Variants in PAX7 observed in about 807,000 individuals in gnomAD.
The protein encoded by PAX7 is paired box 7, also known as paired box protein Pax-7.
A neutral mutation model predicts 50.7 loss-of-function variants in PAX7; 18 were observed. The observed-to-expected ratio is 0.36, with a 90% CI of 0.25 to 0.53. PAX7 has a LOEUF of 0.53. Among genes scored for constraint, PAX7 ranks in the 20% least tolerant of loss-of-function variants. PAX7 has a pLI of 0.93. For missense variants in PAX7, 644 were observed against 702.9 expected (o/e 0.92, Z 0.95); for synonymous variants, 310 against 290.4 (o/e 1.07, Z -0.69).
chr1:18,722,004 CTG>C (rs1489943739), intron 7 of PAX7, among the ~76,000 whole-genome samples: 1 of 152,216 alleles, frequency 6.6e-6, no homozygotes, highest in Non-Finnish European at 1.5e-5. Flanking sequence ...CTTGACCTCT[CTG>C]TGCCTCCATT....
intron 3 of PAX7, among the ~76,000 whole-genome samples, chr1:18,635,493 A>AGAAGGAAGGAAGGTAGGAAGGAAG (rs1443182325): frequency 1.5e-5 from 1 of 68,792 alleles, no homozygotes; most frequent in African/African-American, 7.5e-5. Context: ...AAAGGGAGGA[A>AGAAGGAAGGAAGGTAGGAAGGAAG]GAAGGAAGGA....
At chr1:18,635,297 T>C (rs2088132352) in intron 3 of PAX7, 57 bp downstream of exon 3, 5 of 1,586,316 alleles carry the variant, frequency 3.2e-6, no homozygotes, top group Non-Finnish European at 4.3e-6. Context: ...GGGTCCAGTG[T>C]GGAGGGCTGG....
intron 4 of PAX7, among the ~76,000 whole-genome samples, chr1:18,640,509 G>C (rs1331561469): frequency 6.6e-6 from 1 of 151,946 alleles, no homozygotes; most frequent in Non-Finnish European, 1.5e-5. Context: ...CCTTGGAAGC[G>C]GGGGCGAGGG....
chr1:18,674,758 T>C (rs1315112790), intron 4 of PAX7, among the ~76,000 whole-genome samples: 2 of 152,228 alleles, frequency 1.3e-5, no homozygotes, highest in Non-Finnish European at 2.9e-5. Context: ...TCTTGCTCCC[T>C]TTCACAGAGC....
intron 4 of PAX7, among the ~76,000 whole-genome samples, chr1:18,652,027 T>C (rs945868645): frequency 5.3e-5 from 8 of 151,786 alleles, no homozygotes; most frequent in African/African-American, 1.9e-4. Context: ...GTTGGGGGAT[T>C]AACACTCAGG....
At chr1:18,725,836 C>G (rs953139391) in intron 7 of PAX7, among the ~76,000 whole-genome samples, 1 of 151,264 alleles carries the variant, frequency 6.6e-6, no homozygotes, top group Non-Finnish European at 1.5e-5. Context: ...TTGGACCCAT[C>G]CTGGCGTGGG....
chr1:18,745,632 G>A lies in PAX7; in HGVS notation c.*703G>A, dbSNP rs1931408933. ...GACCAGGAAGAGGCTTAACCAGAGG[G>A]TAGGGGCACATGGGGGTGGGGCTTG... On this transcript the variant is annotated 3_prime_UTR_variant, in exon 9 of 9. Coordinates refer to ENST00000420770, the MANE Select transcript of PAX7 (RefSeq NM_001135254.2). 4.3e-6 allele frequency: 1 copy of A among 230,992 alleles called. No homozygotes were observed. Among genetic ancestry groups the A allele is most frequent in the African/African-American group, 2.2e-5 (1 of 45,176 alleles). The allele number at this position is 230,992 out of a possible 1,614,324, so 14.3% of individuals were successfully genotyped here. A position where few individuals can be genotyped will look rare whatever the true frequency, so the allele number is the denominator to read the frequency against.
intron 4 of PAX7, among the ~76,000 whole-genome samples, chr1:18,690,290 A>C (rs1403396494): frequency 1.4e-5 from 2 of 144,188 alleles, no homozygotes; most frequent in African/African-American, 4.9e-5. Context: ...GCAAAAGAGA[A>C]AAAGGAGGAA....
rs201998357 is a variant in PAX7 at position 18,703,195 on chromosome 1, T to A, written c.1054T>A (p.Tyr352Asn). ...TGCAGCCGCCGACACCAGCTCTGCC[T>A]ACGGAGCCCGCCACAGCTTCTCCAG... ...AAAAADTSSA[Y>N]GARHSFSSYS... is the part of the protein sequence containing the mutation. Residue 352 changes from tyrosine to asparagine, a missense_variant, in exon 7 of 9, where the codon TAC (tyrosine) becomes AAC (asparagine). Physicochemically the swap from Tyr to Asn is moderately radical, Grantham distance 143. Transcript: ENST00000420770. 2.5e-6 allele frequency: 4 copies of A among 1,613,846 alleles called. No homozygotes were observed. Among genetic ancestry groups the A allele is most frequent in the Non-Finnish European group, 8.5e-7 (1 of 1,180,008 alleles).
Position 18,745,006 on chromosome 1 carries a change from C to T in PAX7, c.*77C>T. On this transcript the variant is annotated 3_prime_UTR_variant, in exon 9 of 9. Transcript: ENST00000420770. ...CCCCTGAGCTTCCCAGCCTTGCCGC[C>T]TCACCCCCCTGTTGTCCTAGGAGGC... The T allele has an allele frequency of 9.6e-6, 8 of 829,090 alleles. No homozygotes were observed. The South Asian group carries it at 1.2e-4, about 13-fold the overall frequency. The allele number at this position is 829,090 out of a possible 1,614,324, so 51.4% of individuals were successfully genotyped here.
intron 7 of PAX7, among the ~76,000 whole-genome samples, chr1:18,717,350 G>A (rs776272516): frequency 2.0e-5 from 3 of 152,196 alleles, no homozygotes; most frequent in Non-Finnish European, 4.4e-5. Flanking sequence ...CAAGACCCTT[G>A]CTGCCTGCTG....
At chr1:18,740,978 C>T (rs965064788) in intron 8 of PAX7, among the ~76,000 whole-genome samples, 3 of 152,096 alleles carry the variant, frequency 2.0e-5, no homozygotes, top group African/African-American at 7.2e-5. Context: ...ATGATGGTTA[C>T]TAGAGGCAGG....
Position 18,747,346 on chromosome 1 carries a change from A to C in PAX7, c.*2417A>C, listed in dbSNP as rs1172825181. ...AACCAAATGATTTCTCATGACGTTG[A>C]ACATAAGTTCTCCCAAGCCATCATC... On this transcript the variant is annotated 3_prime_UTR_variant, in exon 9 of 9. Coordinates refer to ENST00000420770, the MANE Select transcript of PAX7 (RefSeq NM_001135254.2). 4.4e-5 allele frequency: 10 copies of C among 228,996 alleles called. No individual in the cohort carries two copies. In the East Asian group the frequency reaches 5.6e-4, roughly 13 times the overall value. 14.2% of individuals were successfully genotyped at this position (228,996 alleles called of 1,614,324 possible). A position where few individuals can be genotyped will look rare whatever the true frequency, so the allele number is the denominator to read the frequency against.
Position 18,726,608 on chromosome 1 carries a change from G to A in PAX7, c.1156-9024G>A, listed in dbSNP as rs1205887705. On this transcript the variant is annotated intron_variant, in intron 7 of 8. Coordinates refer to ENST00000420770, the MANE Select transcript of PAX7 (RefSeq NM_001135254.2). This position sits in a 1 kb window ranked among gnomAD's most constrained non-coding sequence, Gnocchi z 4.8. ...TCAGTCTGTTCCCAGGCAGAGGGTT[G>A]GGCCTTAGTGGGACTGAAAGTTTCC... Among the ~76,000 whole-genome samples, 1 of 152,126 alleles carries A rather than the reference G, an allele frequency of 6.6e-6. No individual in the cohort carries two copies. The highest frequency in any genetic ancestry group is 1.5e-5 in the Non-Finnish European group (1 of 68,036).
intron 7 of PAX7, among the ~76,000 whole-genome samples, chr1:18,732,160 A>G (rs985816969): frequency 6.6e-6 from 1 of 152,164 alleles, no homozygotes; most frequent in Admixed American, 6.5e-5. Flanking sequence ...ACTGCCCCAC[A>G]TAGCCCCTTA....
rs1225150622 is a variant in PAX7 at position 18,700,733 on chromosome 1, A to G, written c.867A>G (p.Pro289=). ...TGGCGGCGTTCAACCACCTTCTGCC[A>G]GGAGGCTTCCCACCCACCGGCATGC... ...NQLAAFNHLL[P]GGFPPTGMPT... Residue 289 remains proline (P), a synonymous_variant, in exon 6 of 9, where the codon CCA becomes CCG. Transcript: ENST00000420770. The surrounding 1 kb of genome is among the most constrained non-coding windows in gnomAD (Gnocchi z 4.8). 6.2e-7 allele frequency: 1 copy of G among 1,600,416 alleles called. No individual in the cohort carries two copies. Among genetic ancestry groups the G allele is most frequent in the South Asian group, 1.1e-5 (1 of 89,116 alleles).
intron 5 of PAX7, among the ~76,000 whole-genome samples, chr1:18,698,014 G>T (rs1387644777): frequency 6.6e-6 from 1 of 152,092 alleles, no homozygotes; most frequent in African/African-American, 2.4e-5. Flanking sequence ...GAAGGGATTA[G>T]AAGGGAAGGG....
intron 7 of PAX7, among the ~76,000 whole-genome samples, chr1:18,707,943 T>C (rs1022875315): frequency 1.4e-4 from 22 of 152,118 alleles, no homozygotes; most frequent in Non-Finnish European, 2.2e-4. Context: ...TAGGGACCAA[T>C]AGGCAGAGCT....
chr1:18,663,978 A>C (rs986162541), intron 4 of PAX7, among the ~76,000 whole-genome samples: 3 of 152,226 alleles, frequency 2.0e-5, no homozygotes, highest in Non-Finnish European at 4.4e-5. Context: ...ATGGGGGCTT[A>C]GAAAGCCCCC....
Sources: gnomAD v4.1 joint callset for allele counts (sites outside exome capture counted in the v4.1 genomes callset) on GRCh38, gnomAD v4.1.1 for gene constraint, Gnocchi (gnomAD v3.1) non-coding constraint, MANE v1.5 for transcripts, NCBI Gene and HGNC (gene_info 2026-07-23, HGNC 2026-07-21) for gene names.